Variants in TIMP2 observed in about 807,000 individuals in gnomAD.
TIMP2 encodes metalloproteinase inhibitor 2.
A neutral mutation model predicts 24.3 loss-of-function variants in TIMP2; 5 were observed. That is an observed-to-expected ratio of 0.21 (90% CI 0.11 to 0.43). TIMP2 has a LOEUF of 0.43. Ranked by LOEUF, TIMP2 falls within the 20% of genes least tolerant of loss-of-function variation. The pLI, the probability that TIMP2 is intolerant of heterozygous loss-of-function variation, is 1.00. For synonymous variants in TIMP2, 130 were observed against 123.2 expected, an observed-to-expected ratio of 1.06 and a Z score of -0.37; for missense variants, 221 against 297.5, an observed-to-expected ratio of 0.74 and a Z score of 1.89.
chr17:78,890,661 G>T (rs189046524), intron 1 of TIMP2: 2 of 1,550,250 alleles, frequency 1.3e-6, no homozygotes, highest in East Asian at 2.4e-5. Context: ...TGAAACTCCC[G>T]CAAGCATTTC....
In TIMP2 at chr17:78,873,899, T is replaced by C; in HGVS notation, c.151A>G (p.Ser51Gly). 6.2e-7 allele frequency: 1 copy of C among 1,613,420 alleles called. No individual in the cohort carries two copies. The highest frequency in any genetic ancestry group is 1.3e-5 in the African/African-American group (1 of 75,018). Residue 51 changes from serine to glycine, a missense_variant, in exon 2 of 5, where the codon AGT becomes GGT. Coordinates refer to ENST00000262768, the MANE Select transcript of TIMP2 (RefSeq NM_003255.5). ...ADVVIRAKAV[S>G]EKEVDSGNDI... ...TTTCCAGAGTCCACTTCCTTCTCAC[T>C]GACCGCTTTGGCCCTGATCACTGCA...
chr17:78,915,748 G>A (rs1371354011), intron 1 of TIMP2, among the ~76,000 whole-genome samples: 2 of 152,026 alleles, frequency 1.3e-5, no homozygotes, highest in South Asian at 2.1e-4. Flanking sequence ...TTGAACTCCC[G>A]ACCTCAGGCG....
rs2069893751 is a variant in TIMP2, at chr17:78,891,507, C to T, written c.131-17588G>A. On this transcript the variant is annotated intron_variant, in intron 1 of 4. Transcript: ENST00000262768. This position sits in a 1 kb window ranked among gnomAD's most constrained non-coding sequence, Gnocchi z 4.5. ...AGCTCTTTCTGCCACTTGTTCTTCT[C>T]CCGGAGCGTGCACTGAGATGCTGGG... is the stretch of plus-strand genomic sequence containing the variant. 2 of 1,551,186 alleles carry T rather than the reference C, an allele frequency of 1.3e-6. No individual in the cohort carries two copies. The highest frequency in any genetic ancestry group is 1.2e-5 in the South Asian group (1 of 84,066).
chr17:78,890,291 T>TC (rs1276535745), intron 1 of TIMP2, among the ~76,000 whole-genome samples: 8 of 148,094 alleles, frequency 5.4e-5, no homozygotes, highest in Admixed American at 4.1e-4. Context: ...AACCTCCGCC[T>TC]CCCAGGTTCA....
At chr17:78,874,036 A>C in intron 1 of TIMP2, 117 bp from the exon 2 acceptor site, 1 of 867,708 alleles carries the variant, frequency 1.2e-6, no homozygotes, top group Non-Finnish European at 1.8e-6. Flanking sequence ...GACAGCAGCA[A>C]GGTGCGAGAC....
At chr17:78,911,560 TGGGATTACA>T (rs2070207592) in intron 1 of TIMP2, among the ~76,000 whole-genome samples, 1 of 152,052 alleles carries the variant, frequency 6.6e-6, no homozygotes. Context: ...CCCGAGTAGC[TGGGATTACA>T]GGTACCCGCC....
intron 1 of TIMP2, among the ~76,000 whole-genome samples, chr17:78,902,251 G>C (rs1006210650): frequency 1.3e-5 from 2 of 152,240 alleles, no homozygotes; most frequent in Non-Finnish European, 2.9e-5. Flanking sequence ...GGGACTACAG[G>C]CGCACGCCAC....
At position 78,891,156 on chromosome 17, in the gene TIMP2, A is replaced by G. The variant is rs2069886013; in HGVS notation, c.131-17237T>C. On this transcript the variant is annotated intron_variant, in intron 1 of 4. Coordinates refer to ENST00000262768, the MANE Select transcript of TIMP2 (RefSeq NM_003255.5). The surrounding 1 kb of genome is among the most constrained non-coding windows in gnomAD (Gnocchi z 4.5). Reference sequence around the variant, plus strand: ...ATAAATATACCTGCCTCGGGAGACAATGTTTGACTTCCATTTCTAAACGTG... The same window carrying G: ...ATAAATATACCTGCCTCGGGAGACAGTGTTTGACTTCCATTTCTAAACGTG... The G allele has an allele frequency of 6.4e-7, 1 of 1,550,656 alleles. No individual in the cohort carries two copies. Among genetic ancestry groups the G allele is most frequent in the Non-Finnish European group, 8.7e-7 (1 of 1,147,016 alleles).
At chr17:78,909,304 A>C (rs755286288) in intron 1 of TIMP2, among the ~76,000 whole-genome samples, 5 of 151,936 alleles carry the variant, frequency 3.3e-5, no homozygotes, top group Non-Finnish European at 7.4e-5. Context: ...ACAGTGAGCT[A>C]GGATCACGCC....
chr17:78,914,783 T>C (rs970826110), intron 1 of TIMP2, among the ~76,000 whole-genome samples: 2 of 151,898 alleles, frequency 1.3e-5, no homozygotes, highest in African/African-American at 4.8e-5. Flanking sequence ...GATGAGGTCT[T>C]GCTATGTTGC....
chr17:78,857,464 C>G, intron 4 of TIMP2, 58 bp downstream of exon 4: 1 of 1,608,032 alleles, frequency 6.2e-7, no homozygotes, highest in Non-Finnish European at 8.5e-7. Flanking sequence ...AAATCCCTGC[C>G]GTCCATCTGG....
intron 1 of TIMP2, among the ~76,000 whole-genome samples, chr17:78,874,578 T>TTTG (rs1207362561): frequency 2.6e-5 from 4 of 152,190 alleles, no homozygotes; most frequent in Non-Finnish European, 2.9e-5. Context: ...ATGAGTAATT[T>TTTG]TTGTTGTTGT....
At chr17:78,881,702 G>T (rs920971262) in intron 1 of TIMP2, among the ~76,000 whole-genome samples, 50 of 152,370 alleles carry the variant, frequency 3.3e-4, no homozygotes, top group African/African-American at 1.2e-3. Context: ...TACTCCTGGG[G>T]AGGATCCAAT....
intron 2 of TIMP2, among the ~76,000 whole-genome samples, chr17:78,871,566 G>A (rs1307844913): frequency 6.6e-6 from 1 of 151,820 alleles, no homozygotes; most frequent in Non-Finnish European, 1.5e-5. Context: ...ACTCATCTGT[G>A]CCGGGCGAAG....
chr17:78,893,351 G>A (rs1035439732), intron 1 of TIMP2, among the ~76,000 whole-genome samples: 1 of 147,278 alleles, frequency 6.8e-6, no homozygotes, highest in Admixed American at 6.7e-5. Flanking sequence ...GTGTGCAGGG[G>A]TGTGTGTGCA....
At position 78,854,107 on chromosome 17, in the gene TIMP2, T is replaced by TG. The variant is rs2069505578; in HGVS notation, c.*1559dup. 1 of 152,188 alleles carries TG rather than the reference T, an allele frequency of 6.6e-6. No homozygotes were observed. The highest frequency in any genetic ancestry group is 2.4e-5 in the African/African-American group (1 of 41,424). The allele number at this position is 152,188 out of a possible 1,614,324, so 9.4% of individuals were successfully genotyped here. ...GGGTCAGGAGTCTTAACAGGTGCTT[T>TG]GGGGTTGCCGCTGAATAGAACAGGC... On this transcript the variant is annotated 3_prime_UTR_variant, in exon 5 of 5. Transcript: ENST00000262768.
chr17:78,883,877 T>A (rs1469977624), intron 1 of TIMP2, among the ~76,000 whole-genome samples: 1 of 152,114 alleles, frequency 6.6e-6, no homozygotes, highest in Admixed American at 6.5e-5. Flanking sequence ...GGGGCCCACG[T>A]CCCGCTGCCC....
intron 1 of TIMP2, among the ~76,000 whole-genome samples, chr17:78,911,895 A>AC (rs1555652473): frequency 0.22 from 11,400 of 50,936 alleles, 511 homozygotes; most frequent in Middle Eastern, 0.38. Flanking sequence ...AAAACACACC[A>AC]AAAAAAAAAA....
At chr17:78,890,694 T>G (rs1461852898) in intron 1 of TIMP2, 2 of 1,550,606 alleles carry the variant, frequency 1.3e-6, no homozygotes, top group South Asian at 2.4e-5. Context: ...AGAAACTGCT[T>G]GTGCAACCTG....
Sources: allele counts gnomAD v4.1 joint callset (sites outside exome capture counted in the v4.1 genomes callset), GRCh38; gene constraint gnomAD v4.1.1; non-coding constraint Gnocchi (gnomAD v3.1); transcripts MANE v1.5; gene names NCBI Gene and HGNC (gene_info 2026-07-23, HGNC 2026-07-21).